MREG: variants seen among roughly 807,000 people sequenced by gnomAD.
MREG encodes the protein melanoregulin.
In MREG, 31 loss-of-function variants were observed where a neutral mutation model predicts 28.5. The ratio of observed to expected loss-of-function variants is 1.09; its 90% confidence interval spans 0.82 to 1.47. The LOEUF is 1.47. Among genes scored for constraint, MREG ranks in the 40% most tolerant of loss-of-function variants. The pLI, the probability that MREG is intolerant of heterozygous loss-of-function variation, is 0.00. For missense variants in MREG, 256 were observed against 257.4 expected (o/e 0.99, Z 0.04); for synonymous variants, 106 against 95.2 (o/e 1.11, Z -0.66).
chr2:215,986,429 A>G (rs531699326), intron 2 of MREG, among the ~76,000 whole-genome samples: 16 of 152,270 alleles, frequency 1.1e-4, no homozygotes, highest in African/African-American at 2.9e-4. Flanking sequence ...ATGTGGGGTG[A>G]AGGGCAGGGG....
intron 2 of MREG, among the ~76,000 whole-genome samples, chr2:215,990,570 T>C (rs1693695697): frequency 6.6e-6 from 1 of 152,174 alleles, no homozygotes. Flanking sequence ...GTAAATAGGC[T>C]AAATGCCCCA....
intron 2 of MREG, among the ~76,000 whole-genome samples, chr2:215,978,621 G>A (rs1693325289): frequency 6.6e-6 from 1 of 152,178 alleles, no homozygotes; most frequent in African/African-American, 2.4e-5. Flanking sequence ...GAATATCGAT[G>A]CAAAAATTCT....
intron 2 of MREG, among the ~76,000 whole-genome samples, chr2:215,981,296 T>C (rs984165712): frequency 6.6e-6 from 1 of 152,156 alleles, no homozygotes; most frequent in Non-Finnish European, 1.5e-5. Context: ...GAATGTGGCA[T>C]ATACACACTA....
chr2:215,941,226 T>C (rs750773744), downstream of MREG, among the ~76,000 whole-genome samples: 2 of 152,204 alleles, frequency 1.3e-5, no homozygotes, highest in Admixed American at 6.5e-5. Context: ...CTCCCAAGTA[T>C]GTTCAGTCTG....
At chr2:215,946,805 A>G (rs371640867) in intron 3 of MREG, among the ~76,000 whole-genome samples, 9 of 152,234 alleles carry the variant, frequency 5.9e-5, no homozygotes, top group Admixed American at 1.3e-4. Context: ...GGAGTAACAC[A>G]TGGCAGAGTG....
In MREG at chr2:215,942,868, T is replaced by C. The variant is rs1005006921; in HGVS notation, c.*1995A>G. 1.3e-5 allele frequency: 2 copies of C among 152,600 alleles called. No individual in the cohort carries two copies. The highest frequency in any genetic ancestry group is 4.8e-5 in the African/African-American group (2 of 41,456). 9.5% of individuals were successfully genotyped at this position (152,600 alleles called of 1,614,324 possible). ...GTTTATCTTGCGAGAGTCTACAGAA[T>C]TGAGAGAAAATATCTGCAGGCTAAT... On this transcript the variant is annotated 3_prime_UTR_variant, in exon 5 of 5. Coordinates refer to ENST00000263268, the MANE Select transcript of MREG (RefSeq NM_018000.3).
chr2:215,981,501 G>C (rs951621144), intron 2 of MREG, among the ~76,000 whole-genome samples: 1 of 152,190 alleles, frequency 6.6e-6, no homozygotes, highest in Non-Finnish European at 1.5e-5. Context: ...GAGCTGGGGA[G>C]TTATTGTCTA....
In MREG at chr2:215,947,033, TA is replaced by T; in HGVS notation, c.335del (p.Leu112Ter). ...REVRNRWKCILEDLGFQKEAD... is the reference protein window; with the variant it reads ...REVRNRWKCIXEDLGFQKEAD... The stretch of plus-strand genomic sequence containing the variant: ...CTCTTTTAGACTTACCTAAATCTTC[TA>T]AGATGCACTTCCATCTGTTTCTTAC... On this transcript the variant is annotated frameshift_variant, in exon 3 of 5. Transcript: ENST00000263268. LOFTEE classifies it high-confidence loss of function. 1 of 1,596,158 alleles carries T rather than the reference TA, an allele frequency of 6.3e-7. No individual in the cohort carries two copies. The highest frequency in any genetic ancestry group is 8.6e-7 in the Non-Finnish European group (1 of 1,164,096).
downstream of MREG, among the ~76,000 whole-genome samples, chr2:215,940,854 C>T (rs950557664): frequency 4.6e-5 from 7 of 151,968 alleles, no homozygotes; most frequent in Non-Finnish European, 7.4e-5. Flanking sequence ...TGTGTGTGCG[C>T]GCGTGTGTGT....
intron 1 of MREG, among the ~76,000 whole-genome samples, chr2:216,004,583 C>T (rs577039757): frequency 7.9e-5 from 12 of 152,128 alleles, no homozygotes; most frequent in Middle Eastern, 3.4e-3. Flanking sequence ...AAAACCTGTG[C>T]CTGGCACATA....
At chr2:215,971,975 C>T (rs1398821118) in intron 2 of MREG, among the ~76,000 whole-genome samples, 3 of 152,272 alleles carry the variant, frequency 2.0e-5, no homozygotes, top group Non-Finnish European at 2.9e-5. Flanking sequence ...GTTAGTTGCC[C>T]GATGGTGCAA....
intron 2 of MREG, among the ~76,000 whole-genome samples, chr2:215,947,593 T>C (rs570185507): frequency 6.6e-6 from 1 of 152,290 alleles, no homozygotes; most frequent in Non-Finnish European, 1.5e-5. Context: ...GGTATCAGAA[T>C]AGATATTGGA....
chr2:216,007,393 C>T (rs180915360), intron 1 of MREG, among the ~76,000 whole-genome samples: 160 of 148,988 alleles, frequency 1.1e-3, no homozygotes, highest in Non-Finnish European at 1.4e-3. Flanking sequence ...TTTGTGATCA[C>T]TTAGCAACAT....
intron 1 of MREG, among the ~76,000 whole-genome samples, chr2:216,026,376 T>C (rs981195609): frequency 6.6e-6 from 1 of 152,150 alleles, no homozygotes; most frequent in Admixed American, 6.5e-5. Context: ...TTTATTTATT[T>C]ATTTTTGGAG....
intron 2 of MREG, among the ~76,000 whole-genome samples, chr2:215,958,056 T>G (rs1024901538): frequency 7.5e-6 from 1 of 133,964 alleles, no homozygotes; most frequent in African/African-American, 2.9e-5. Flanking sequence ...AAATGAACAA[T>G]GAGAACACAT....
intron 2 of MREG, among the ~76,000 whole-genome samples, chr2:215,961,496 G>A (rs1023881673): frequency 1.3e-5 from 2 of 152,154 alleles, no homozygotes; most frequent in East Asian, 3.8e-4. Context: ...CGCAATGTTG[G>A]CTCACCGCAA....
chr2:215,947,367 A>G (rs891091631), intron 2 of MREG, among the ~76,000 whole-genome samples: 5 of 152,236 alleles, frequency 3.3e-5, no homozygotes, highest in Admixed American at 2.6e-4. Context: ...TTCATATTAC[A>G]TATTCTCTCA....
At chr2:215,965,136 A>G (rs1446571567) in intron 2 of MREG, among the ~76,000 whole-genome samples, 3 of 152,220 alleles carry the variant, frequency 2.0e-5, no homozygotes, top group Non-Finnish European at 2.9e-5. Flanking sequence ...TCTAGGTCTG[A>G]GTATGACTAT....
intron 1 of MREG, among the ~76,000 whole-genome samples, chr2:216,021,743 C>T (rs528659435): frequency 6.6e-6 from 1 of 152,304 alleles, no homozygotes; most frequent in African/African-American, 2.4e-5. Context: ...GCCCTTAGTA[C>T]AATTTCATGG....
Sources: allele counts gnomAD v4.1 joint callset (sites outside exome capture counted in the v4.1 genomes callset), GRCh38; gene constraint gnomAD v4.1.1; transcripts MANE v1.5; gene names NCBI Gene and HGNC (gene_info 2026-07-23, HGNC 2026-07-21).